The following R3HDM2 variants were observed in gnomAD, a reference collection of about 807,000 sequenced individuals.
R3HDM2 encodes the protein R3H domain-containing protein 2.
A neutral mutation model predicts 124.5 loss-of-function variants in R3HDM2; 38 were observed. The ratio of observed to expected loss-of-function variants is 0.31; its 90% CI spans 0.24 to 0.40. R3HDM2 has a LOEUF of 0.40. Among genes scored for constraint, R3HDM2 ranks in the 10% least tolerant of loss-of-function variants. The pLI, the probability that R3HDM2 is intolerant of heterozygous loss-of-function variation, is 1.00. For missense variants in R3HDM2, 869 were observed against 1,236.9 expected (o/e 0.70, Z 4.46); for synonymous variants, 391 against 448.0 (o/e 0.87, Z 1.61).
At chr12:57,289,609 C>T (rs1451869265) in intron 11 of R3HDM2, among the ~76,000 whole-genome samples, 1 of 152,220 alleles carries the variant, frequency 6.6e-6, no homozygotes, top group African/African-American at 2.4e-5. Context: ...GAAACATTCC[C>T]TTTGGGGATC....
chr12:57,296,472 C>A lies in R3HDM2; in HGVS notation c.640G>T (p.Asp214Tyr). 3 of 1,552,210 alleles carry A rather than the reference C, an allele frequency of 1.9e-6. No individual in the cohort carries two copies. Among genetic ancestry groups the A allele is most frequent in the Non-Finnish European group, 2.6e-6 (3 of 1,147,084 alleles). The change falls in exon 9 of 24, where the codon GAC (aspartate) becomes TAC (tyrosine). Residue 214 changes from aspartate (D) to tyrosine (Y), a missense_variant. Coordinates refer to ENST00000402412, the MANE Select transcript of R3HDM2 (RefSeq NM_001394031.1). This position sits in a 1 kb window ranked among gnomAD's most constrained non-coding sequence, Gnocchi z 4.5. ...TTCCCAGTTTGATCAACATTGTGGT[C>A]CATCCCAAAATAGGCAGCTACCCGG... ...LHRVAAYFGM[D>Y]HNVDQTGKAV...
chr12:57,299,771 A>G (rs2050707058), intron 5 of R3HDM2, among the ~76,000 whole-genome samples: 1 of 152,174 alleles, frequency 6.6e-6, no homozygotes, highest in Non-Finnish European at 1.5e-5. Context: ...ACATAAGAAA[A>G]TAAGATCTAG....
At chr12:57,381,683 C>T (rs1214880136) in intron 2 of R3HDM2, among the ~76,000 whole-genome samples, 2 of 142,968 alleles carry the variant, frequency 1.4e-5, no homozygotes, top group Non-Finnish European at 3.0e-5. Context: ...ATGGTATCGA[C>T]TTCATAAATC....
At chr12:57,355,184 G>A (rs534781342) in intron 2 of R3HDM2, among the ~76,000 whole-genome samples, 49 of 151,850 alleles carry the variant, frequency 3.2e-4, no homozygotes, top group African/African-American at 1.0e-3. Flanking sequence ...TTGGCCGGGC[G>A]CGGTGGCTCA....
intron 3 of R3HDM2, chr12:57,304,599 G>A: frequency 9.3e-6 from 7 of 749,536 alleles, no homozygotes; most frequent in Non-Finnish European, 1.1e-5. Context: ...AATGATGGTG[G>A]ATCTGCTCAG....
At position 57,288,993 on chromosome 12, in the gene R3HDM2, G is replaced by A; in HGVS notation, c.938+16C>T. ...AAGCTCAATGAGAAGCAGGGAACAT[G>A]CTAAGTGGTACTAACCTGATGTCAT... On this transcript the variant is annotated intron_variant, in intron 12 of 23. Coordinates refer to ENST00000402412, the MANE Select transcript of R3HDM2 (RefSeq NM_001394031.1). The A allele has an allele frequency of 1.3e-6, 2 of 1,549,158 alleles. No homozygotes were observed. The highest frequency in any genetic ancestry group is 1.7e-6 in the Non-Finnish European group (2 of 1,144,546).
chr12:57,335,717 G>A (rs2058775086), intron 2 of R3HDM2, among the ~76,000 whole-genome samples: 1 of 147,920 alleles, frequency 6.8e-6, no homozygotes, highest in Admixed American at 6.7e-5. Context: ...TGCCCAGGCT[G>A]GCCTTGAACT....
rs181787191 is a variant in R3HDM2, at chr12:57,291,547, G to A, written c.906+1025C>T. On this transcript the variant is annotated intron_variant, in intron 11 of 23. Coordinates refer to ENST00000402412, the MANE Select transcript of R3HDM2 (RefSeq NM_001394031.1). ...TGCGTGCCTGTAATCCCAGCTACTCGGGAGGCTGAGGCAAGAGGATCGTTT... is the reference window on the plus strand; with the variant it reads ...TGCGTGCCTGTAATCCCAGCTACTCAGGAGGCTGAGGCAAGAGGATCGTTT... Among the ~76,000 whole-genome samples, 168 of 151,796 alleles carry A rather than the reference G, an allele frequency of 1.1e-3. 1 individual carries two copies. Among genetic ancestry groups the A allele is most frequent in the African/African-American group, 4.0e-3 (164 of 41,422 alleles).
chr12:57,284,388 C>T (rs951912171), intron 12 of R3HDM2, among the ~76,000 whole-genome samples: 3 of 152,206 alleles, frequency 2.0e-5, no homozygotes, highest in Admixed American at 1.3e-4. Flanking sequence ...GGTAATCCCA[C>T]ACATGCAAGC....
intron 2 of R3HDM2, among the ~76,000 whole-genome samples, chr12:57,371,634 G>C (rs1594084650): frequency 6.6e-6 from 1 of 152,028 alleles, no homozygotes; most frequent in East Asian, 1.9e-4. Flanking sequence ...TTAACATTGT[G>C]CTTCTCATAG....
chr12:57,298,716 CT>C (rs1436338964), intron 6 of R3HDM2, among the ~76,000 whole-genome samples: 1 of 149,260 alleles, frequency 6.7e-6, no homozygotes, highest in African/African-American at 2.5e-5. Context: ...AATCCCAGCA[CT>C]TTGGGAGGTT....
chr12:57,360,706 A>T (rs1227187838), intron 2 of R3HDM2, among the ~76,000 whole-genome samples: 1 of 151,434 alleles, frequency 6.6e-6, no homozygotes, highest in Admixed American at 6.6e-5. Context: ...AGGAAAGGAA[A>T]GGAAGAAAAA....
At position 57,419,210 on chromosome 12, in the gene R3HDM2, C is replaced by A. The variant is rs147612467; in HGVS notation, c.-106+11510G>T. Among the ~76,000 whole-genome samples the A allele has an allele frequency of 1.3e-3, 189 of 145,576 alleles. 2 individuals carry two copies. The highest frequency in any genetic ancestry group is 4.6e-3 in the African/African-American group (179 of 39,210). On this transcript the variant is annotated intron_variant, in intron 1 of 23. Coordinates refer to ENST00000402412, the MANE Select transcript of R3HDM2 (RefSeq NM_001394031.1). Reference sequence around the variant, plus strand: ...CCAAGCTGGAGTACAGTGGAGTGATCTCGGCTCACTGCAACCTCCGCCTCC... The same window carrying A: ...CCAAGCTGGAGTACAGTGGAGTGATATCGGCTCACTGCAACCTCCGCCTCC...
rs1358712971 is a variant in R3HDM2, at chr12:57,284,033, C to G, written c.962G>C (p.Arg321Pro). The G allele has an allele frequency of 1.2e-6, 2 of 1,607,400 alleles. No homozygotes were observed. The highest frequency in any genetic ancestry group is 2.2e-5 in the South Asian group (2 of 90,578). Residue 321 changes from arginine (R) to proline (P), a missense_variant, in exon 13 of 24, where the codon CGC becomes CCC. Physicochemically the swap from Arg to Pro is moderately radical, Grantham distance 103 (BLOSUM62 -2). Around this residue, in one of 2 missense-constraint regions of R3HDM2, gnomAD observed 267 missense variants for 447.7 expected, o/e 0.60. Coordinates refer to ENST00000402412, the MANE Select transcript of R3HDM2 (RefSeq NM_001394031.1). ...GCTGCTCTGGCGGCTGCTTGAGGTG[C>G]GGCTCAGTCCTTCACGGTTCCCCCT... ...DIRGNREGLS[R>P]TSSSRQSSTD...
chr12:57,319,996 T>G (rs1158318974), intron 2 of R3HDM2, among the ~76,000 whole-genome samples: 1 of 152,084 alleles, frequency 6.6e-6, no homozygotes, highest in Non-Finnish European at 1.5e-5. Context: ...CTGGGCGTAG[T>G]GGCTCACGCC....
intron 1 of R3HDM2, among the ~76,000 whole-genome samples, chr12:57,416,419 T>C (rs187650830): frequency 1.4e-4 from 21 of 152,302 alleles, no homozygotes; most frequent in African/African-American, 4.6e-4. Flanking sequence ...AATAAAATGT[T>C]GGAGCCAAAA....
intron 1 of R3HDM2, among the ~76,000 whole-genome samples, chr12:57,403,289 C>T (rs1267984078): frequency 1.3e-5 from 2 of 151,582 alleles, no homozygotes; most frequent in East Asian, 1.9e-4. Flanking sequence ...GTCAAGATAT[C>T]GAGACCATCC....
chr12:57,280,854 A>ATTTC (rs376879553), intron 13 of R3HDM2, among the ~76,000 whole-genome samples: 462 of 152,354 alleles, frequency 3.0e-3, no homozygotes, highest in African/African-American at 0.011. Context: ...CATCAAACTT[A>ATTTC]GATAGCTGAA....
At chr12:57,255,749 A>T (rs2038787577) in intron 23 of R3HDM2, among the ~76,000 whole-genome samples, 1 of 152,222 alleles carries the variant, frequency 6.6e-6, no homozygotes, top group Non-Finnish European at 1.5e-5. Context: ...TTTGTTAATA[A>T]GAGGCAACTC....
Sources: allele counts gnomAD v4.1 joint callset (sites outside exome capture counted in the v4.1 genomes callset), GRCh38; gene constraint gnomAD v4.1.1; regional missense constraint gnomAD v4.1.1; non-coding constraint Gnocchi (gnomAD v3.1); transcripts MANE v1.5; gene names NCBI Gene and HGNC (gene_info 2026-07-23, HGNC 2026-07-21).